THSD7B: variants seen among roughly 807,000 people sequenced by gnomAD.
The protein encoded by THSD7B is thrombospondin type 1 domain containing 7B.
Under a neutral mutation model 213.6 loss-of-function variants are expected in THSD7B, and 138 were observed. The observed-to-expected ratio is 0.65, with a 90% CI of 0.56 to 0.74. The LOEUF (loss-of-function observed/expected upper bound fraction) is 0.74, where lower values mean the gene tolerates loss of function less well. THSD7B is among the 30% of genes least tolerant of loss of function. The pLI is 0.00. For synonymous variants in THSD7B, 742 were observed against 687.0 expected (o/e 1.08, Z -1.25); for missense variants, 1,931 against 1,991.5 (o/e 0.97, Z 0.58).
At chr2:137,085,286 G>A (rs1687818063) in intron 3 of THSD7B, among the ~76,000 whole-genome samples, 1 of 152,154 alleles carries the variant, frequency 6.6e-6, no homozygotes, top group South Asian at 2.1e-4. Flanking sequence ...TGTGTTTGTG[G>A]TGCCACATTC....
chr2:137,544,972 G>A (rs1680681532), intron 15 of THSD7B, among the ~76,000 whole-genome samples: 1 of 151,736 alleles, frequency 6.6e-6, no homozygotes, highest in Non-Finnish European at 1.5e-5. Flanking sequence ...GGCATCTCTT[G>A]TTCTCAATAA....
intron 3 of THSD7B, among the ~76,000 whole-genome samples, chr2:137,066,399 G>C (rs1396353902): frequency 6.6e-6 from 1 of 151,830 alleles, no homozygotes; most frequent in East Asian, 1.9e-4. Context: ...TCACCATGTT[G>C]GTCAGGCTGG....
intron 15 of THSD7B, among the ~76,000 whole-genome samples, chr2:137,500,398 C>A (rs768402156): frequency 6.6e-6 from 1 of 152,168 alleles, no homozygotes; most frequent in Admixed American, 6.5e-5. Flanking sequence ...CATGCGTAGT[C>A]AGGCTAACGG....
chr2:137,644,797 G>A (rs902410821), intron 21 of THSD7B, among the ~76,000 whole-genome samples: 1 of 152,150 alleles, frequency 6.6e-6, no homozygotes, highest in African/African-American at 2.4e-5. Flanking sequence ...ATTCAATGAG[G>A]GAGGTGATGA....
intron 17 of THSD7B, among the ~76,000 whole-genome samples, chr2:137,585,474 TTAGTGC>T (rs1397872347): frequency 6.6e-6 from 1 of 152,180 alleles, no homozygotes; most frequent in Non-Finnish European, 1.5e-5. Flanking sequence ...TTGTGGGCAT[TTAGTGC>T]TATATATTTC....
intron 17 of THSD7B, among the ~76,000 whole-genome samples, chr2:137,595,203 C>A (rs184095642): frequency 6.6e-6 from 1 of 151,904 alleles, no homozygotes; most frequent in African/African-American, 2.4e-5. Context: ...CCAATTCTCC[C>A]CTTTGTTGCA....
intron 12 of THSD7B, among the ~76,000 whole-genome samples, chr2:137,283,990 G>A (rs976062316): frequency 2.6e-5 from 4 of 152,086 alleles, no homozygotes; most frequent in African/African-American, 9.7e-5. Flanking sequence ...GTTCCTCCTT[G>A]TACCTCTGGT....
At chr2:136,853,032 GTGTGCATGTGTGTGTGTGCA>G (rs949930452) in intron 1 of THSD7B, among the ~76,000 whole-genome samples, 16 of 151,854 alleles carry the variant, frequency 1.1e-4, no homozygotes, top group African/African-American at 3.9e-4. Context: ...ATGTGTGTGT[GTGTGCATGTGTGTGTGTGCA>G]TGTGCATGTG....
intron 16 of THSD7B, among the ~76,000 whole-genome samples, chr2:137,568,435 T>C (rs986532025): frequency 2.0e-5 from 3 of 152,190 alleles, no homozygotes; most frequent in Non-Finnish European, 4.4e-5. Flanking sequence ...GTAAAGCCTC[T>C]TATTAAATCA....
chr2:137,628,195 A>T (rs1195995951), intron 20 of THSD7B, among the ~76,000 whole-genome samples: 1 of 152,192 alleles, frequency 6.6e-6, no homozygotes, highest in Non-Finnish European at 1.5e-5. Flanking sequence ...GAGACTCCGT[A>T]GGATCTTTTA....
intron 2 of THSD7B, among the ~76,000 whole-genome samples, chr2:136,926,961 G>A (rs569865983): frequency 6.6e-6 from 1 of 152,148 alleles, no homozygotes; most frequent in South Asian, 2.1e-4. Flanking sequence ...AATTGGTTCA[G>A]TTATCTTATA....
chr2:137,397,410 T>C (rs1302744822), intron 12 of THSD7B, among the ~76,000 whole-genome samples: 2 of 152,078 alleles, frequency 1.3e-5, no homozygotes, highest in Non-Finnish European at 2.9e-5. Context: ...ATTTTATTTC[T>C]CCTTCACTTA....
In THSD7B at chr2:137,497,175, A is replaced by G. The variant is rs991097766; in HGVS notation, c.3138+46152A>G. Among the ~76,000 whole-genome samples, 9 of 147,610 alleles carry G rather than the reference A, an allele frequency of 6.1e-5. No individual in the cohort carries two copies. In the South Asian group the frequency reaches 1.3e-3, roughly 21 times the overall value. ...AGGCTTCTTATGAATGAAATTCTACATAGACACACATACAACACATACACA... is the reference window on the plus strand; with the variant it reads ...AGGCTTCTTATGAATGAAATTCTACGTAGACACACATACAACACATACACA... On this transcript the variant is annotated intron_variant, in intron 15 of 27. Coordinates refer to ENST00000409968, the MANE Select transcript of THSD7B (RefSeq NM_001316349.2).
intron 2 of THSD7B, among the ~76,000 whole-genome samples, chr2:137,011,121 G>A (rs531300957): frequency 6.6e-6 from 1 of 152,256 alleles, no homozygotes; most frequent in African/African-American, 2.4e-5. Flanking sequence ...ACCAACAGGA[G>A]TAAGTATATG....
intron 1 of THSD7B, among the ~76,000 whole-genome samples, chr2:136,814,783 G>A (rs1416594965): frequency 6.6e-6 from 1 of 152,126 alleles, no homozygotes; most frequent in Admixed American, 6.5e-5. Flanking sequence ...TTATATGGCA[G>A]CTATAAAATT....
rs117322001 is a variant in THSD7B, at chr2:137,598,156, A to C, written c.3424-18019A>C. ...TGCATATTTTTAATAAAGATCTAAC[A>C]AATTCCAAGACATTATTTTTGTCCT... On this transcript the variant is annotated intron_variant, in intron 17 of 27. Transcript: ENST00000409968. 5.9e-5 allele frequency among the ~76,000 whole-genome samples: 9 copies of C among 152,256 alleles called. No individual in the cohort carries two copies. In the East Asian group the frequency reaches 1.7e-3, roughly 29 times the overall value.
At position 137,659,779 on chromosome 2, in the gene THSD7B, A is replaced by G. The variant is rs1198162645; in HGVS notation, c.4458+33A>G. 3.8e-6 allele frequency: 6 copies of G among 1,562,476 alleles called. No individual in the cohort carries two copies. The Admixed American group carries it at 9.6e-5, about 25-fold the overall frequency. On this transcript the variant is annotated intron_variant, in intron 25 of 27. Transcript: ENST00000409968. ...ATGTGCTGGAGTCTTCTATAAGTGC[A>G]TTAATTGCTGTGTTTTACACATGCA...
rs529852943 is a variant in THSD7B at position 136,938,592 on chromosome 2, C to A, written c.139+56275C>A. 4.6e-5 allele frequency among the ~76,000 whole-genome samples: 7 copies of A among 152,188 alleles called. No individual in the cohort carries two copies. The East Asian group carries it at 9.7e-4, about 21-fold the overall frequency. On this transcript the variant is annotated intron_variant, in intron 2 of 27. Coordinates refer to ENST00000409968, the MANE Select transcript of THSD7B (RefSeq NM_001316349.2). ...ATATCTGAAAAAAACCAAAAACATT[C>A]TTTTCCTTTAGTTTGGAGCCAATGA... is the stretch of plus-strand genomic sequence containing the variant.
chr2:137,168,190 A>C (rs1197441798), intron 6 of THSD7B, among the ~76,000 whole-genome samples: 1 of 152,214 alleles, frequency 6.6e-6, no homozygotes, highest in Non-Finnish European at 1.5e-5. Flanking sequence ...TGCTTTGAGA[A>C]GAATACACAT....
Sources: gnomAD v4.1 joint callset for allele counts (sites outside exome capture counted in the v4.1 genomes callset) on GRCh38, gnomAD v4.1.1 for gene constraint, MANE v1.5 for transcripts, NCBI Gene and HGNC (gene_info 2026-07-23, HGNC 2026-07-21) for gene names.